CDH7: variants seen among roughly 807,000 people sequenced by gnomAD.
The protein encoded by CDH7 is cadherin 7.
In CDH7, 25 loss-of-function variants were observed where a neutral mutation model predicts 71.8. That is an observed-to-expected ratio of 0.35 (90% CI 0.25 to 0.49). The LOEUF (loss-of-function observed/expected upper bound fraction) is 0.49, where lower values mean the gene tolerates loss of function less well. CDH7 is among the 20% of genes least tolerant of loss of function. The pLI, the probability that CDH7 is intolerant of heterozygous loss-of-function variation, is 0.99. For missense variants in CDH7, 862 were observed against 974.6 expected (o/e 0.88, Z 1.54); for synonymous variants, 381 against 363.8 (o/e 1.05, Z -0.54).
In CDH7 at chr18:65,814,525, T is replaced by A; in HGVS notation, c.546T>A (p.Asp182Glu). 2 of 1,613,842 alleles carry A rather than the reference T, an allele frequency of 1.2e-6. No homozygotes were observed. The highest frequency in any genetic ancestry group is 1.7e-6 in the Non-Finnish European group (2 of 1,179,806). ...VVQVTATDAD[D>E]PTYGNSARVV... ...AAGTGACAGCGACGGATGCTGATGA[T>A]CCTACATATGGCAACAGTGCCAGAG... Residue 182 changes from aspartate (D) to glutamate (E), a missense_variant, in exon 4 of 12, where the codon GAT becomes GAA. Physicochemically the swap from Asp to Glu is conservative, Grantham distance 45 (BLOSUM62 2). Coordinates refer to ENST00000397968, the MANE Select transcript of CDH7 (RefSeq NM_004361.5).
chr18:65,822,745 G>A (rs191151711), intron 5 of CDH7, among the ~76,000 whole-genome samples: 3 of 151,762 alleles, frequency 2.0e-5, no homozygotes, highest in Admixed American at 2.0e-4. Flanking sequence ...CATTCCTTTA[G>A]CAGTTCCCCC....
At chr18:65,768,328 C>T (rs762999906) in intron 2 of CDH7, among the ~76,000 whole-genome samples, 4 of 151,924 alleles carry the variant, frequency 2.6e-5, no homozygotes, top group South Asian at 2.1e-4. Context: ...CTCCGCCTCC[C>T]GGTTCAAGCA....
rs1043238669 is a variant in CDH7 at position 65,888,352 on chromosome 18, T to A, written c.*7458T>A. On this transcript the variant is annotated 3_prime_UTR_variant, in exon 12 of 12. Coordinates refer to ENST00000397968, the MANE Select transcript of CDH7 (RefSeq NM_004361.5). The stretch of plus-strand genomic sequence containing the variant: ...TGTATTTTTAAAAAATAAGAAAAAA[T>A]TATCACAGAGTAAGATACATAGAAG... 7.2e-5 allele frequency: 11 copies of A among 152,036 alleles called. No homozygotes were observed. Among genetic ancestry groups the A allele is most frequent in the Admixed American group, 1.3e-4 (2 of 15,252 alleles). The allele number at this position is 152,036 out of a possible 1,614,324, so 9.4% of individuals were successfully genotyped here.
At chr18:65,759,071 A>G (rs983283636) in intron 1 of CDH7, among the ~76,000 whole-genome samples, 1 of 152,152 alleles carries the variant, frequency 6.6e-6, no homozygotes, top group Non-Finnish European at 1.5e-5. Flanking sequence ...GATATGTTCT[A>G]GCTAATTTGA....
intron 11 of CDH7, among the ~76,000 whole-genome samples, chr18:65,874,214 T>G (rs1330019306): frequency 6.6e-6 from 1 of 152,208 alleles, no homozygotes; most frequent in East Asian, 1.9e-4. Context: ...GGATTAAACT[T>G]AAGAAAGTGA....
chr18:65,783,687 G>C (rs1910402119), intron 2 of CDH7, among the ~76,000 whole-genome samples: 1 of 152,068 alleles, frequency 6.6e-6, no homozygotes. Context: ...GCTGCAATGG[G>C]GGTTCACAAG....
At chr18:65,770,621 C>G (rs910863144) in intron 2 of CDH7, among the ~76,000 whole-genome samples, 1 of 151,942 alleles carries the variant, frequency 6.6e-6, no homozygotes, top group African/African-American at 2.4e-5. Context: ...TTTGGAAAGC[C>G]TTGTGAATTA....
intron 1 of CDH7, among the ~76,000 whole-genome samples, chr18:65,759,619 T>G: frequency 6.6e-6 from 1 of 152,154 alleles, no homozygotes; most frequent in East Asian, 1.9e-4. Flanking sequence ...AAAATCAATT[T>G]TATATAATTG....
At chr18:65,859,852 G>C (rs1037819702) in intron 10 of CDH7, 27 bp downstream of exon 10, 1 of 1,245,624 alleles carries the variant, frequency 8.0e-7, no homozygotes, top group African/African-American at 1.5e-5. Flanking sequence ...GTTACCGATA[G>C]AGGCAGCAGG....
intron 2 of CDH7, among the ~76,000 whole-genome samples, chr18:65,786,886 G>T (rs1457673766): frequency 6.6e-6 from 1 of 151,950 alleles, no homozygotes; most frequent in Non-Finnish European, 1.5e-5. Flanking sequence ...ACAGAGTCTT[G>T]GTATGTTGCC....
intron 2 of CDH7, 22 bp downstream of exon 2, chr18:65,763,074 A>G (rs769617040): frequency 7.9e-6 from 12 of 1,527,894 alleles, no homozygotes; most frequent in Admixed American, 1.7e-5. Flanking sequence ...TGACCTTTCA[A>G]AGTTGTAAAT....
chr18:65,764,805 A>G (rs1018812114), intron 2 of CDH7, among the ~76,000 whole-genome samples: 3 of 152,062 alleles, frequency 2.0e-5, no homozygotes, highest in East Asian at 3.9e-4. Flanking sequence ...CATTTTAAAA[A>G]TCTATATAGT....
At chr18:65,796,021 C>G (rs1910899999) in intron 2 of CDH7, among the ~76,000 whole-genome samples, 1 of 152,038 alleles carries the variant, frequency 6.6e-6, no homozygotes, top group Non-Finnish European at 1.5e-5. Context: ...AACTGTGAGT[C>G]AATTAAACCT....
intron 2 of CDH7, among the ~76,000 whole-genome samples, chr18:65,781,782 C>T (rs1287864532): frequency 0.027 from 1,702 of 63,114 alleles, 85 homozygotes; most frequent in Middle Eastern, 0.054. Context: ...TTCCTTCCTT[C>T]CTTCCTTCCT....
rs867039222 is a variant in CDH7, at chr18:65,760,631, T to C, written c.-196-2016T>C. 2.6e-5 allele frequency among the ~76,000 whole-genome samples: 4 copies of C among 152,158 alleles called. No homozygotes were observed. The South Asian group carries it at 6.2e-4, about 24-fold the overall frequency. ...GGGAGAGTGGTGAAACTGGAACTGTTCTATGGCCACAGACCTCACATGCTT... is the reference window on the plus strand; with the variant it reads ...GGGAGAGTGGTGAAACTGGAACTGTCCTATGGCCACAGACCTCACATGCTT... On this transcript the variant is annotated intron_variant, in intron 1 of 11. Coordinates refer to ENST00000397968, the MANE Select transcript of CDH7 (RefSeq NM_004361.5).
chr18:65,833,791 A>G (rs1302318938), intron 6 of CDH7, among the ~76,000 whole-genome samples: 1 of 152,170 alleles, frequency 6.6e-6, no homozygotes, highest in African/African-American at 2.4e-5. Flanking sequence ...AATGATACTA[A>G]TTTACATGTC....
intron 4 of CDH7, among the ~76,000 whole-genome samples, chr18:65,820,752 AC>A (rs1329554359): frequency 6.6e-6 from 1 of 152,190 alleles, no homozygotes; most frequent in Non-Finnish European, 1.5e-5. Context: ...TAAGTGAGAA[AC>A]TTTGACTACC....
At chr18:65,830,414 ATTCAT>A in intron 6 of CDH7, among the ~76,000 whole-genome samples, 1 of 152,158 alleles carries the variant, frequency 6.6e-6, no homozygotes, top group Non-Finnish European at 1.5e-5. Flanking sequence ...GATAACTTTA[ATTCAT>A]TTCAAGTCTT....
rs939974839 is a variant in CDH7, at chr18:65,839,399, C to G, written c.982-4413C>G. ...AAGGGGTGAGGGAGCTCTCTGAGGTCTCATTTATAAGGGCCCACTAATACC... is the reference window on the plus strand; with the variant it reads ...AAGGGGTGAGGGAGCTCTCTGAGGTGTCATTTATAAGGGCCCACTAATACC... On this transcript the variant is annotated intron_variant, in intron 6 of 11. Coordinates refer to ENST00000397968, the MANE Select transcript of CDH7 (RefSeq NM_004361.5). Among the ~76,000 whole-genome samples the G allele has an allele frequency of 2.0e-5, 3 of 152,034 alleles. No individual in the cohort carries two copies. In the South Asian group the frequency reaches 6.2e-4, roughly 31 times the overall value.
Sources: gnomAD v4.1 joint callset for allele counts (sites outside exome capture counted in the v4.1 genomes callset) on GRCh38, gnomAD v4.1.1 for gene constraint, MANE v1.5 for transcripts, NCBI Gene and HGNC (gene_info 2026-07-23, HGNC 2026-07-21) for gene names.